Variants in FAM13A observed in about 807,000 individuals in gnomAD.
FAM13A encodes the protein family with sequence similarity 13 member A.
Under a neutral mutation model 129.6 loss-of-function variants are expected in FAM13A, and 76 were observed. The observed-to-expected ratio is 0.59, with a 90% CI of 0.49 to 0.71. The LOEUF (loss-of-function observed/expected upper bound fraction) is 0.71, where lower values mean the gene tolerates loss of function less well. Among genes scored for constraint, FAM13A ranks in the 30% least tolerant of loss-of-function variants. FAM13A has a pLI of 0.00. For synonymous variants in FAM13A, 443 were observed against 449.9 expected (o/e 0.98, Z 0.20); for missense variants, 1,108 against 1,249.3 (o/e 0.89, Z 1.70).
chr4:88,730,333 T>G (rs1396418449), intron 23 of FAM13A, among the ~76,000 whole-genome samples: 3 of 152,230 alleles, frequency 2.0e-5, no homozygotes, highest in Non-Finnish European at 2.9e-5. Flanking sequence ...AAAGACTAAA[T>G]TGTGCCTTAA....
chr4:88,996,985 T>C (rs1396445797), intron 3 of FAM13A, among the ~76,000 whole-genome samples: 3 of 152,198 alleles, frequency 2.0e-5, no homozygotes, highest in South Asian at 4.1e-4. Context: ...AGTCCATTTA[T>C]AGAATTTGCT....
chr4:88,988,602 C>A (rs1182787773), intron 4 of FAM13A, among the ~76,000 whole-genome samples: 1 of 151,890 alleles, frequency 6.6e-6, no homozygotes. Context: ...AATCATTATG[C>A]TCCTTCAAAT....
intron 6 of FAM13A, among the ~76,000 whole-genome samples, chr4:88,899,745 C>G (rs761836437): frequency 2.0e-5 from 3 of 152,050 alleles, no homozygotes; most frequent in Non-Finnish European, 2.9e-5. Flanking sequence ...GACTGCAACA[C>G]CTCTCCAGCA....
intron 7 of FAM13A, among the ~76,000 whole-genome samples, chr4:88,833,480 C>T (rs1046618490): frequency 2.1e-4 from 32 of 152,052 alleles, no homozygotes; most frequent in African/African-American, 7.5e-4. Context: ...AGAATAGGTC[C>T]TATTTAAAAA....
At chr4:88,795,805 G>A (rs1489999387) in intron 8 of FAM13A, among the ~76,000 whole-genome samples, 1 of 151,754 alleles carries the variant, frequency 6.6e-6, no homozygotes, top group Non-Finnish European at 1.5e-5. Context: ...ATATAATGCA[G>A]AAAATTTTTA....
rs1737497275 is a variant in FAM13A, at chr4:88,851,153, G to C, written c.874C>G (p.Gln292Glu). The C allele has an allele frequency of 6.2e-7, 1 of 1,608,544 alleles. No individual in the cohort carries two copies. The highest frequency in any genetic ancestry group is 1.3e-5 in the African/African-American group (1 of 74,378). ...TCTGGTTGCAGTACTCTGTGGGCCT[G>C]AATAGATCCCTCACTCCTGGATTTT... ...IPKSRSEGSI[Q>E]AHRVLQPELS... Residue 292 changes from glutamine to glutamate, a missense_variant, in exon 7 of 24, where the codon CAG becomes GAG. Physicochemically the swap from Gln to Glu is conservative, Grantham distance 29. Around this residue, in one of 3 missense-constraint regions of FAM13A, gnomAD observed 566 missense variants for 595.7 expected, o/e 0.95. Coordinates refer to ENST00000264344, the MANE Select transcript of FAM13A (RefSeq NM_014883.4).
At chr4:88,855,247 A>C (rs1034444575) in intron 6 of FAM13A, 2 of 152,210 alleles carry the variant, frequency 1.3e-5, no homozygotes, top group Non-Finnish European at 2.9e-5. Context: ...ATTAGAAGTT[A>C]AATTTTTCTT....
chr4:89,024,265 G>A (rs759175169), intron 2 of FAM13A, among the ~76,000 whole-genome samples: 2 of 152,102 alleles, frequency 1.3e-5, no homozygotes, highest in South Asian at 2.1e-4. Flanking sequence ...ACACCTGGTG[G>A]TGACTTGAGA....
chr4:88,873,006 T>C (rs540788018), intron 6 of FAM13A, among the ~76,000 whole-genome samples: 2 of 152,168 alleles, frequency 1.3e-5, no homozygotes, highest in South Asian at 4.2e-4. Flanking sequence ...CACACTCCTA[T>C]ATGGAAACTG....
At chr4:88,790,552 C>G in intron 9 of FAM13A, 34 bp downstream of exon 9, 1 of 1,241,468 alleles carries the variant, frequency 8.1e-7, no homozygotes, top group Non-Finnish European at 1.1e-6. Flanking sequence ...AAAAAAAAAA[C>G]CCAAAGCCCA....
intron 11 of FAM13A, among the ~76,000 whole-genome samples, chr4:88,771,200 GA>G (rs1720610103): frequency 6.9e-6 from 1 of 143,964 alleles, no homozygotes; most frequent in Admixed American, 7.1e-5. Flanking sequence ...AAATATCTAT[GA>G]GTACAGTAAC....
At chr4:89,025,846 CG>C (rs1173630069) in intron 2 of FAM13A, among the ~76,000 whole-genome samples, 3 of 151,970 alleles carry the variant, frequency 2.0e-5, no homozygotes, top group African/African-American at 7.3e-5. Flanking sequence ...ATACCAGAAA[CG>C]GGTATAGCAA....
intron 14 of FAM13A, chr4:88,753,612 T>C (rs1743070660): frequency 1.1e-6 from 1 of 921,226 alleles, no homozygotes; most frequent in Non-Finnish European, 1.3e-6. Flanking sequence ...CAACACAAAA[T>C]GCTTACCTGA....
chr4:89,013,708 C>A (rs1211798363), intron 3 of FAM13A, among the ~76,000 whole-genome samples: 1 of 152,084 alleles, frequency 6.6e-6, no homozygotes, highest in Admixed American at 6.6e-5. Flanking sequence ...ATAGCATACA[C>A]AATTAGATTC....
chr4:88,855,264 C>G (rs547616540), intron 6 of FAM13A: 10 of 151,958 alleles, frequency 6.6e-5, no homozygotes, highest in African/African-American at 2.2e-4. Flanking sequence ...TCTTTTCTTT[C>G]AATTTATTTC....
intron 1 of FAM13A, among the ~76,000 whole-genome samples, chr4:89,040,546 T>C (rs1769975833): frequency 6.6e-6 from 1 of 152,144 alleles, no homozygotes; most frequent in African/African-American, 2.4e-5. Context: ...TCATACTAGC[T>C]TGGATAAGGT....
intron 7 of FAM13A, among the ~76,000 whole-genome samples, chr4:88,830,372 A>G (rs996318917): frequency 6.6e-6 from 1 of 152,214 alleles, no homozygotes; most frequent in Non-Finnish European, 1.5e-5. Flanking sequence ...GCAAACAGTG[A>G]TACTCAAGCT....
At chr4:88,859,684 G>A (rs1739159568) in intron 6 of FAM13A, among the ~76,000 whole-genome samples, 1 of 152,206 alleles carries the variant, frequency 6.6e-6, no homozygotes, top group South Asian at 2.1e-4. Flanking sequence ...TGAGAGCCAT[G>A]TCCTTAGACC....
intron 5 of FAM13A, among the ~76,000 whole-genome samples, chr4:88,915,009 C>T (rs993076711): frequency 6.6e-6 from 1 of 152,138 alleles, no homozygotes; most frequent in African/African-American, 2.4e-5. Context: ...AAACTCACAA[C>T]AGTTGATTTG....
Sources: gnomAD v4.1 joint callset for allele counts (sites outside exome capture counted in the v4.1 genomes callset) on GRCh38, gnomAD v4.1.1 for gene constraint, gnomAD v4.1.1 regional missense constraint, MANE v1.5 for transcripts, NCBI Gene and HGNC (gene_info 2026-07-23, HGNC 2026-07-21) for gene names.